The following TENM2 variants were observed in gnomAD, a reference collection of about 807,000 sequenced individuals.
The protein encoded by TENM2 is teneurin transmembrane protein 2.
Under a neutral mutation model 245.2 loss-of-function variants are expected in TENM2, and 52 were observed. The ratio of observed to expected loss-of-function variants is 0.21; its 90% CI spans 0.17 to 0.27. TENM2 has a LOEUF of 0.27. TENM2 is among the 10% of genes least tolerant of loss of function. The probability of loss-of-function intolerance (pLI) is 1.00; values close to 1 mark genes in which losing one functional copy is unlikely to be tolerated. For missense variants in TENM2, 3,046 were observed against 3,666.8 expected (o/e 0.83, Z 4.37); for synonymous variants, 1,363 against 1,438.9 (o/e 0.95, Z 1.19).
intron 2 of TENM2, among the ~76,000 whole-genome samples, chr5:167,456,176 G>C (rs899447252): frequency 6.6e-6 from 1 of 152,090 alleles, no homozygotes; most frequent in African/African-American, 2.4e-5. Context: ...TATGGAACAG[G>C]ACACATCCTT....
In TENM2 at chr5:167,780,301, G is replaced by A. The variant is rs112688231; in HGVS notation, c.503-95685G>A. Among the ~76,000 whole-genome samples the A allele has an allele frequency of 6.0e-3, 911 of 152,242 alleles. 8 individuals carry two copies. Among genetic ancestry groups the A allele is most frequent in the East Asian group, 0.031 (160 of 5,164 alleles). ...TATTTGTAACCTGAAATCAAAACCC[G>A]CAGTGCTCTCACAGTCATTTGCAGG... On this transcript the variant is annotated intron_variant, in intron 2 of 28. Transcript: ENST00000518659.
chr5:167,160,325 C>T, the TENM2 span, among the ~76,000 whole-genome samples: 3 of 152,228 alleles, frequency 2.0e-5, no homozygotes, highest in Admixed American at 6.5e-5. Flanking sequence ...GAGGTCTGGC[C>T]GCTGCCAGTG....
intron 1 of TENM2, among the ~76,000 whole-genome samples, chr5:167,365,147 C>T (rs948828635): frequency 6.6e-6 from 1 of 151,980 alleles, no homozygotes; most frequent in Non-Finnish European, 1.5e-5. Flanking sequence ...ATCAATCAGA[C>T]AAGTCCCAGA....
chr5:167,879,669 G>A (rs1773715045), intron 3 of TENM2, among the ~76,000 whole-genome samples: 1 of 152,216 alleles, frequency 6.6e-6, no homozygotes, highest in South Asian at 2.1e-4. Context: ...GTGAAACATT[G>A]AGGTTTTTTT....
intron 3 of TENM2, among the ~76,000 whole-genome samples, chr5:167,879,633 C>G (rs1324582811): frequency 6.6e-6 from 1 of 152,174 alleles, no homozygotes; most frequent in Admixed American, 6.5e-5. Context: ...ACATTATCTT[C>G]TAAAAGCACT....
the TENM2 span, among the ~76,000 whole-genome samples, chr5:166,992,059 A>AT: frequency 5.3e-4 from 78 of 147,054 alleles, no homozygotes; most frequent in South Asian, 1.5e-3. Context: ...TCATATTCCA[A>AT]TTTTTTTTTT....
chr5:168,198,402 GC>G (rs1204331369), intron 15 of TENM2, among the ~76,000 whole-genome samples: 1 of 151,850 alleles, frequency 6.6e-6, no homozygotes, highest in African/African-American at 2.4e-5. Flanking sequence ...CACCATATTG[GC>G]CAGGCTGGTC....
chr5:167,196,488 A>G, the TENM2 span, among the ~76,000 whole-genome samples: 14 of 143,718 alleles, frequency 9.7e-5, 1 homozygote, highest in African/African-American at 2.8e-4. Flanking sequence ...ATATGTGTGT[A>G]TATATATATG....
At chr5:167,283,998 A>G (rs1771196351), upstream of TENM2, among the ~76,000 whole-genome samples, 1 of 151,922 alleles carries the variant, frequency 6.6e-6, no homozygotes, top group Non-Finnish European at 1.5e-5. Context: ...GTATCCCAGC[A>G]ATGAAGGTGA....
the TENM2 span, among the ~76,000 whole-genome samples, chr5:167,054,470 T>A: frequency 2.0e-5 from 3 of 152,282 alleles, no homozygotes; most frequent in East Asian, 5.8e-4. Flanking sequence ...GTTTTGGCAA[T>A]TGAATAAAGC....
the TENM2 span, among the ~76,000 whole-genome samples, chr5:167,024,935 T>C: frequency 7.2e-5 from 11 of 152,304 alleles, no homozygotes; most frequent in South Asian, 2.1e-4. Flanking sequence ...GTACCTCTGT[T>C]TCTCACTACA....
chr5:167,272,273 G>C, the TENM2 span, among the ~76,000 whole-genome samples: 1 of 152,186 alleles, frequency 6.6e-6, no homozygotes, highest in Admixed American at 6.5e-5. Flanking sequence ...GGGATGCACT[G>C]TTTTCGGGTT....
intron 3 of TENM2, among the ~76,000 whole-genome samples, chr5:167,932,829 G>A (rs900966083): frequency 2.0e-5 from 3 of 152,044 alleles, no homozygotes; most frequent in African/African-American, 7.2e-5. Context: ...AATGTGGTCC[G>A]TGGCCATCGT....
chr5:167,881,738 G>T (rs1476494370), intron 3 of TENM2, among the ~76,000 whole-genome samples: 1 of 152,142 alleles, frequency 6.6e-6, no homozygotes. Context: ...GTCCCACTGG[G>T]TAGTACAGGC....
chr5:166,993,952 ATGTT>A, the TENM2 span, among the ~76,000 whole-genome samples: 1 of 151,942 alleles, frequency 6.6e-6, no homozygotes, highest in Non-Finnish European at 1.5e-5. Context: ...ATATTTGCGT[ATGTT>A]TGTTTGTATT....
intron 2 of TENM2, among the ~76,000 whole-genome samples, chr5:167,594,713 A>G (rs948436276): frequency 6.6e-6 from 1 of 152,154 alleles, no homozygotes; most frequent in African/African-American, 2.4e-5. Flanking sequence ...AGCAAAGGAG[A>G]GAGGATTGTG....
the TENM2 span, among the ~76,000 whole-genome samples, chr5:167,222,102 C>T: frequency 6.6e-6 from 1 of 152,134 alleles, no homozygotes; most frequent in Non-Finnish European, 1.5e-5. Flanking sequence ...ATTGGCCCAG[C>T]TGAAAGGGAC....
At chr5:167,459,664 CACACCA>C (rs1469532382) in intron 2 of TENM2, among the ~76,000 whole-genome samples, 1 of 152,172 alleles carries the variant, frequency 6.6e-6, no homozygotes, top group African/African-American at 2.4e-5. Context: ...TCTCCACATA[CACACCA>C]ACACCTGTTA....
the TENM2 span, among the ~76,000 whole-genome samples, chr5:167,022,899 C>A: frequency 6.6e-6 from 1 of 152,188 alleles, no homozygotes; most frequent in Admixed American, 6.5e-5. Flanking sequence ...GCTCATTTTA[C>A]CATGAGCATC....
Sources: gnomAD v4.1 joint callset for allele counts (sites outside exome capture counted in the v4.1 genomes callset) on GRCh38, gnomAD v4.1.1 for gene constraint, MANE v1.5 for transcripts, NCBI Gene and HGNC (gene_info 2026-07-23, HGNC 2026-07-21) for gene names.